Variants in TFAP4 observed in about 807,000 individuals in gnomAD.
The protein encoded by TFAP4 is activating enhancer-binding protein 4.
TFAP4 carries 7 observed loss-of-function variants against 40.4 expected under a neutral mutation model. The observed-to-expected ratio is 0.17, with a 90% CI of 0.10 to 0.33. The LOEUF (loss-of-function observed/expected upper bound fraction) is 0.33. TFAP4 is among the 10% of genes least tolerant of loss of function. The probability of loss-of-function intolerance (pLI) is 1.00; values close to 1 mark genes in which losing one functional copy is unlikely to be tolerated. For synonymous variants in TFAP4, 218 were observed against 181.4 expected, an observed-to-expected ratio of 1.20 and a Z score of -1.62; for missense variants, 374 against 451.1, an observed-to-expected ratio of 0.83 and a Z score of 1.55.
At position 4,272,728 on chromosome 16, in the gene TFAP4, G is replaced by T; in HGVS notation, c.19C>A (p.Pro7Thr). ...TGCAAAGAGGGCACCTTCTGAGTGG[G>T]CACCATGAAATACTCCATAGCGATC... The part of the protein sequence containing the change: MEYFMV[P>T]TQKVPSLQHF... Residue 7 changes from proline (P) to threonine (T), a missense_variant, in exon 1 of 7, where the codon CCC becomes ACC. Pro to Thr is a conservative substitution (Grantham distance 38, BLOSUM62 -1). Transcript: ENST00000204517. The T allele has an allele frequency of 6.2e-7, 1 of 1,613,494 alleles. No homozygotes were observed. Among genetic ancestry groups the T allele is most frequent in the South Asian group, 1.1e-5 (1 of 91,056 alleles).
chr16:4,261,628 G>T, intron 4 of TFAP4, 151 bp downstream of exon 4: 1 of 847,732 alleles, frequency 1.2e-6, no homozygotes, highest in Non-Finnish European at 1.7e-6. Context: ...GGGCAGAGAC[G>T]TGTCTGGCTT....
At chr16:4,262,475 C>T in intron 2 of TFAP4, 53 bp from the exon 3 acceptor site, 1 of 1,613,768 alleles carries the variant, frequency 6.2e-7, no homozygotes, top group Non-Finnish European at 8.5e-7. Flanking sequence ...CCAGAGCTCA[C>T]TTTCCTCTCC....
chr16:4,261,480 G>T (rs2052947668), intron 4 of TFAP4, among the ~76,000 whole-genome samples: 1 of 151,782 alleles, frequency 6.6e-6, no homozygotes, highest in East Asian at 1.9e-4. Flanking sequence ...GTAGAGACGG[G>T]GTTTCACCGT....
intron 1 of TFAP4, among the ~76,000 whole-genome samples, chr16:4,269,107 C>T (rs544538850): frequency 4.6e-5 from 7 of 152,148 alleles, no homozygotes; most frequent in African/African-American, 1.7e-4. Context: ...AGGCTGGTCT[C>T]GAACTCCTGG....
At chr16:4,263,688 T>A (rs2141092634) in intron 1 of TFAP4, 1 of 152,320 alleles carries the variant, frequency 6.6e-6, no homozygotes, top group Middle Eastern at 3.4e-3. Context: ...GAAGCGAGGC[T>A]CCCACCATGC....
At chr16:4,261,604 A>G (rs1303416143) in intron 4 of TFAP4, among the ~76,000 whole-genome samples, 175 bp downstream of exon 4, 1 of 151,974 alleles carries the variant, frequency 6.6e-6, no homozygotes, top group African/African-American at 2.4e-5. Flanking sequence ...CCCAACGCAG[A>G]CGGTGGCCCC....
In TFAP4 at chr16:4,257,963, T is replaced by G; in HGVS notation, c.*92A>C. ...AGACCCAAATGACATCGTAATTTTG[T>G]AAAAATTTCTCACTCATTCGCCCAT... On this transcript the variant is annotated 3_prime_UTR_variant, in exon 7 of 7. Transcript: ENST00000204517. 1 of 1,261,166 alleles carries G rather than the reference T, an allele frequency of 7.9e-7. No individual in the cohort carries two copies. The highest frequency in any genetic ancestry group is 2.6e-5 in the East Asian group (1 of 39,022). The allele number at this position is 1,261,166 out of a possible 1,614,324, so 78.1% of individuals were successfully genotyped here.
At chr16:4,269,132 T>G (rs2141097175) in intron 1 of TFAP4, among the ~76,000 whole-genome samples, 1 of 151,934 alleles carries the variant, frequency 6.6e-6, no homozygotes, top group East Asian at 2.0e-4. Flanking sequence ...AAATGATTTT[T>G]TCCCCTTGGC....
Position 4,272,855 on chromosome 16 carries a change from C to T in TFAP4, c.-109G>A, listed in dbSNP as rs1452826014. The T allele has an allele frequency of 1.4e-5, 9 of 630,496 alleles. No homozygotes were observed. Among genetic ancestry groups the T allele is most frequent in the Admixed American group, 3.4e-5 (1 of 29,516 alleles). 39.1% of individuals were successfully genotyped at this position (630,496 alleles called of 1,614,324 possible). Reference sequence around the variant, plus strand: ...CGCCGGACGGAGGTGCAGAATCGGCCGGTCCCAGATGCTGGCGGCGGCGGC... The same window carrying T: ...CGCCGGACGGAGGTGCAGAATCGGCTGGTCCCAGATGCTGGCGGCGGCGGC... On this transcript the variant is annotated 5_prime_UTR_variant, in exon 1 of 7. Coordinates refer to ENST00000204517, the MANE Select transcript of TFAP4 (RefSeq NM_003223.3).
chr16:4,269,687 G>A (rs2053026074), intron 1 of TFAP4, among the ~76,000 whole-genome samples: 1 of 151,520 alleles, frequency 6.6e-6, no homozygotes, highest in Non-Finnish European at 1.5e-5. Context: ...GAGCGGGCCT[G>A]TAGTCCCAGT....
intron 4 of TFAP4, 28 bp downstream of exon 4, chr16:4,261,751 C>A (rs1320636217): frequency 1.3e-6 from 2 of 1,572,326 alleles, no homozygotes; most frequent in East Asian, 2.3e-5. Context: ...GCACCGCGCG[C>A]CGTGCCCAGC....
chr16:4,262,415 A>G lies in TFAP4; in HGVS notation c.263T>C (p.Ile88Thr). 4 of 1,614,176 alleles carry G rather than the reference A, an allele frequency of 2.5e-6. No homozygotes were observed. Among genetic ancestry groups the G allele is most frequent in the African/African-American group, 1.3e-5 (1 of 75,050 alleles). Residue 88 changes from isoleucine (I) to threonine (T), a missense_variant, in exon 3 of 7, where the codon ATT becomes ACT. Physicochemically the swap from Ile to Thr is moderately conservative, Grantham distance 89. Around this residue, in one of 6 missense-constraint regions of TFAP4, gnomAD observed 51 missense variants for 91.1 expected, o/e 0.56. Coordinates refer to ENST00000204517, the MANE Select transcript of TFAP4 (RefSeq NM_003223.3). ...GATGTACTCGGCTGTCTGCTGGAGA[A>G]TGGCTGCCTGAGGGCGTGGAAAAGC... ...TDGEKLSKAA[I>T]LQQTAEYIFS...
chr16:4,271,864 G>C (rs565633347), intron 1 of TFAP4, among the ~76,000 whole-genome samples: 1 of 152,330 alleles, frequency 6.6e-6, no homozygotes, highest in African/African-American at 2.4e-5. Context: ...GGAAAGCGTG[G>C]CCCAGGAGCG....
rs745348395 is a variant in TFAP4 at position 4,258,152 on chromosome 16, G to T, written c.920C>A (p.Ala307Asp). Residue 307 changes from alanine (A) to aspartate (D), a missense_variant, in exon 7 of 7, where the codon GCC (alanine) becomes GAC (aspartate). Physicochemically the swap from Ala to Asp is moderately radical, Grantham distance 126 (BLOSUM62 -2). Around this residue, in one of 6 missense-constraint regions of TFAP4, gnomAD observed 93 missense variants for 79.2 expected, o/e 1.17. Coordinates refer to ENST00000204517, the MANE Select transcript of TFAP4 (RefSeq NM_003223.3). ...IVKPVRSCPEAPTSDTASDSE... is the reference protein window; with the variant it reads ...IVKPVRSCPEDPTSDTASDSE... ...GTCGGAGGCGGTGTCAGAGGTGGGG[G>T]CCTCCGGGCAGCTGCGGACAGGCTT... The T allele has an allele frequency of 3.1e-6, 5 of 1,613,988 alleles. No individual in the cohort carries two copies. The African/African-American group carries it at 5.3e-5, about 17-fold the overall frequency.
chr16:4,263,783 T>TGG (rs939250239), intron 1 of TFAP4: 1 of 152,844 alleles, frequency 6.5e-6, no homozygotes, highest in African/African-American at 2.4e-5. Context: ...GGCTGCTGGC[T>TGG]GGGGGCGTGG....
At chr16:4,258,613 G>C (rs1044490912) in intron 6 of TFAP4, 1 of 170,534 alleles carries the variant, frequency 5.9e-6, no homozygotes, top group East Asian at 1.6e-4. Flanking sequence ...GGGGGTTCTT[G>C]CTATGTTGCC....
rs946508202 is a variant in TFAP4 at position 4,272,815 on chromosome 16, C to G, written c.-69G>C. 2 of 1,429,078 alleles carry G rather than the reference C, an allele frequency of 1.4e-6. No homozygotes were observed. The highest frequency in any genetic ancestry group is 1.4e-5 in the African/African-American group (1 of 69,702). The allele number at this position is 1,429,078 out of a possible 1,614,324, so 88.5% of individuals were successfully genotyped here. On this transcript the variant is annotated 5_prime_UTR_variant, in exon 1 of 7. Transcript: ENST00000204517. ...AGCCGGAGAATGCAAGATGGAAATCCGAATCAAAGGGCAGCGCCGGACGGA... is the reference window on the plus strand; with the variant it reads ...AGCCGGAGAATGCAAGATGGAAATCGGAATCAAAGGGCAGCGCCGGACGGA...
At chr16:4,262,165 A>G in intron 3 of TFAP4, 159 bp downstream of exon 3, 1 of 958,228 alleles carries the variant, frequency 1.0e-6, no homozygotes, top group Non-Finnish European at 1.6e-6. Context: ...ACCGCACTTG[A>G]CCGATGGGGA....
chr16:4,270,632 G>A (rs140897946), intron 1 of TFAP4, among the ~76,000 whole-genome samples: 2 of 152,326 alleles, frequency 1.3e-5, no homozygotes, highest in Non-Finnish European at 2.9e-5. Flanking sequence ...CAAGTCCTTG[G>A]CCTACCAAGA....
Sources: allele counts gnomAD v4.1 joint callset (sites outside exome capture counted in the v4.1 genomes callset), GRCh38; gene constraint gnomAD v4.1.1; regional missense constraint gnomAD v4.1.1; transcripts MANE v1.5; gene names NCBI Gene and HGNC (gene_info 2026-07-23, HGNC 2026-07-21).